SSBP3: variants seen among roughly 807,000 people sequenced by gnomAD.
The protein encoded by SSBP3 is single stranded DNA binding protein 3, also known as single-stranded DNA-binding protein 3.
Under a neutral mutation model 69.6 loss-of-function variants are expected in SSBP3, and 5 were observed. The observed-to-expected ratio is 0.07, with a 90% CI of 0.04 to 0.15. SSBP3 has a LOEUF of 0.15. Among genes scored for constraint, SSBP3 ranks in the 10% least tolerant of loss-of-function variants. SSBP3 has a pLI of 1.00. For missense variants in SSBP3, 312 were observed against 534.0 expected (o/e 0.58, Z 4.10); for synonymous variants, 196 against 193.4 (o/e 1.01, Z -0.11).
upstream of SSBP3, among the ~76,000 whole-genome samples, chr1:54,408,189 T>C: frequency 6.6e-6 from 1 of 152,190 alleles, no homozygotes; most frequent in East Asian, 1.9e-4. Flanking sequence ...AGACCTAGTT[T>C]ATGGGCGTCT....
At chr1:54,406,870 C>A (rs1649818529), upstream of SSBP3, among the ~76,000 whole-genome samples, 1 of 151,516 alleles carries the variant, frequency 6.6e-6, no homozygotes, top group Admixed American at 6.6e-5. Flanking sequence ...CCCGCACCAG[C>A]CCAGCCCTTA....
chr1:54,255,942 C>A (rs1179057142), intron 7 of SSBP3, among the ~76,000 whole-genome samples: 3 of 152,172 alleles, frequency 2.0e-5, no homozygotes. Flanking sequence ...CATGGTGGCG[C>A]ACACCTGTAA....
intron 3 of SSBP3, among the ~76,000 whole-genome samples, chr1:54,403,912 C>A (rs978216674): frequency 6.6e-6 from 1 of 151,446 alleles, no homozygotes. Context: ...GACACAGAGG[C>A]CTGGTTAGAG....
chr1:54,340,015 G>A (rs1646578708), intron 4 of SSBP3, among the ~76,000 whole-genome samples: 1 of 152,098 alleles, frequency 6.6e-6, no homozygotes, highest in Non-Finnish European at 1.5e-5. Flanking sequence ...GGTAGGAGCA[G>A]GACCCCATGC....
Position 54,404,818 on chromosome 1 carries a change from G to GC in SSBP3, c.129+39_129+40insG, listed in dbSNP as rs749582600. On this transcript the variant is annotated intron_variant, in intron 2 of 17. Coordinates refer to ENST00000610401, the Ensembl canonical transcript of SSBP3. ...AGGCTCTAAGAATAGTGGGGGGGGG[G>GC]GGTGTCAAGAAATTGGATGCTGGGG... is the stretch of plus-strand genomic sequence containing the variant. 8.3e-6 allele frequency: 9 copies of GC among 1,082,098 alleles called. No homozygotes were observed. The South Asian group carries it at 1.0e-4, about 12-fold the overall frequency. 67.0% of individuals were successfully genotyped at this position (1,082,098 alleles called of 1,614,324 possible).
chr1:54,336,755 T>A (rs1646514385), intron 4 of SSBP3, among the ~76,000 whole-genome samples: 1 of 152,134 alleles, frequency 6.6e-6, no homozygotes, highest in Non-Finnish European at 1.5e-5. Flanking sequence ...TGCTGCAGCA[T>A]CAGCATGTGG....
At chr1:54,400,583 C>T (rs936209648) in intron 4 of SSBP3, among the ~76,000 whole-genome samples, 3 of 152,226 alleles carry the variant, frequency 2.0e-5, no homozygotes, top group African/African-American at 7.2e-5. Context: ...TACCATTCAT[C>T]AGCTTCTCTT....
chr1:54,371,794 C>T (rs1647139706), intron 4 of SSBP3, among the ~76,000 whole-genome samples: 1 of 152,162 alleles, frequency 6.6e-6, no homozygotes, highest in South Asian at 2.1e-4. Flanking sequence ...GCCTCAAAAA[C>T]GAAGACAGTC....
intron 4 of SSBP3, among the ~76,000 whole-genome samples, chr1:54,314,588 G>A (rs550797196): frequency 7.7e-4 from 118 of 152,354 alleles, no homozygotes; most frequent in Non-Finnish European, 1.5e-3. Flanking sequence ...TGGATGAGCA[G>A]TTAGTTGGGT....
At chr1:54,244,580 G>C (rs1187949734) in intron 9 of SSBP3, among the ~76,000 whole-genome samples, 3 of 152,192 alleles carry the variant, frequency 2.0e-5, no homozygotes, top group Non-Finnish European at 2.9e-5. Context: ...CAGAACTCAC[G>C]AAGTCCCAGC....
At chr1:54,311,773 C>T (rs573379195) in intron 4 of SSBP3, among the ~76,000 whole-genome samples, 4 of 152,236 alleles carry the variant, frequency 2.6e-5, no homozygotes, top group Non-Finnish European at 4.4e-5. Context: ...ATGAGCCAAA[C>T]CATCATCACT....
At chr1:54,311,111 T>C (rs971633252) in intron 4 of SSBP3, among the ~76,000 whole-genome samples, 1 of 152,146 alleles carries the variant, frequency 6.6e-6, no homozygotes, top group Non-Finnish European at 1.5e-5. Flanking sequence ...AGCCGATTCT[T>C]TGATGGGAAA....
intron 13 of SSBP3, among the ~76,000 whole-genome samples, chr1:54,240,160 T>G: frequency 6.6e-6 from 1 of 150,386 alleles, no homozygotes; most frequent in African/African-American, 2.4e-5. Context: ...CCCTCTTTTG[T>G]TTAAAGAAAC....
Position 54,229,441 on chromosome 1 carries a change from G to A in SSBP3, c.928-615C>T, listed in dbSNP as rs9436482. On this transcript the variant is annotated intron_variant, in intron 14 of 17. Transcript: ENST00000610401. Reference sequence around the variant, plus strand: ...GGTGAGAAGAGGTGGGGTTTGATGAGTGGTGGGGAAGAGAGAGCTAGGGCA... The same window carrying A: ...GGTGAGAAGAGGTGGGGTTTGATGAATGGTGGGGAAGAGAGAGCTAGGGCA... 3.5e-3 allele frequency among the ~76,000 whole-genome samples: 534 copies of A among 152,274 alleles called. 4 individuals carry two copies. The highest frequency in any genetic ancestry group is 0.012 in the African/African-American group (513 of 41,546).
intron 7 of SSBP3, among the ~76,000 whole-genome samples, chr1:54,252,425 T>TG (rs1317216226): frequency 2.0e-5 from 3 of 152,344 alleles, no homozygotes; most frequent in Admixed American, 2.0e-4. Context: ...GTCACAGGCC[T>TG]GCGGGCTCCC....
chr1:54,231,797 C>T (rs1052835738), intron 14 of SSBP3, among the ~76,000 whole-genome samples: 32 of 152,138 alleles, frequency 2.1e-4, no homozygotes, highest in Admixed American at 1.0e-3. Context: ...TGGGTTCAAG[C>T]GATTCTCATG....
chr1:54,265,611 G>A (rs1421729802), intron 5 of SSBP3, among the ~76,000 whole-genome samples: 1 of 152,174 alleles, frequency 6.6e-6, no homozygotes, highest in Non-Finnish European at 1.5e-5. Flanking sequence ...CAAGGAGAGG[G>A]CTGGGTTTAG....
At chr1:54,282,985 G>A (rs778532161) in intron 4 of SSBP3, among the ~76,000 whole-genome samples, 26 of 152,228 alleles carry the variant, frequency 1.7e-4, no homozygotes, top group Non-Finnish European at 3.2e-4. Context: ...AGGAACCAGA[G>A]GCTGGGCGTG....
At chr1:54,404,084 G>A (rs939206516) in intron 3 of SSBP3, among the ~76,000 whole-genome samples, 2 of 152,178 alleles carry the variant, frequency 1.3e-5, no homozygotes, top group Non-Finnish European at 2.9e-5. Flanking sequence ...TATCTTTAAA[G>A]GAAGTGGCAG....
Sources: gnomAD v4.1 joint callset for allele counts (sites outside exome capture counted in the v4.1 genomes callset) on GRCh38, gnomAD v4.1.1 for gene constraint, MANE v1.5 for transcripts, NCBI Gene and HGNC (gene_info 2026-07-23, HGNC 2026-07-21) for gene names.